Variants in RGSL1 observed in about 807,000 individuals in gnomAD.
The protein encoded by RGSL1 is regulator of G protein signaling like 1.
Under a neutral mutation model 124.7 loss-of-function variants are expected in RGSL1, and 97 were observed. That is an observed-to-expected ratio of 0.78 (90% CI 0.66 to 0.92). RGSL1 has a LOEUF of 0.92. Ranked by LOEUF, RGSL1 falls within the 40% of genes least tolerant of loss-of-function variation. RGSL1 has a pLI of 0.00. For missense variants in RGSL1, 1,233 were observed against 1,288.4 expected (o/e 0.96, Z 0.66); for synonymous variants, 424 against 438.1 (o/e 0.97, Z 0.40).
At chr1:182,532,593 C>T (rs1659251599) in intron 13 of RGSL1, 69 bp from the exon 14 acceptor site, 7 of 1,475,960 alleles carry the variant, frequency 4.7e-6, no homozygotes, top group Non-Finnish European at 6.4e-6. Flanking sequence ...CAAGTTTTGG[C>T]ACACAGTAGA....
intron 2 of RGSL1, 77 bp downstream of exon 2, chr1:182,454,117 T>C: frequency 1.2e-6 from 1 of 830,594 alleles, no homozygotes; most frequent in South Asian, 1.5e-5. Flanking sequence ...AGTGACTTTT[T>C]TTGTTTGTTT....
chr1:182,554,803 T>C, intron 20 of RGSL1, 110 bp downstream of exon 20: 2 of 1,064,394 alleles, frequency 1.9e-6, no homozygotes, highest in Non-Finnish European at 2.8e-6. Context: ...CTGCCTCTCC[T>C]TGGCATGCAG....
rs538710091 is a variant in RGSL1 at position 182,468,308 on chromosome 1, G to A, written c.302-4088G>A. On this transcript the variant is annotated intron_variant, in intron 4 of 21. Coordinates refer to ENST00000294854, the MANE Select transcript of RGSL1 (RefSeq NM_001137669.2). ...TTATAAATCATTCTACTATAAAGACGCATGCACACGTATGTTTATTTCAGC... is the reference window on the plus strand; with the variant it reads ...TTATAAATCATTCTACTATAAAGACACATGCACACGTATGTTTATTTCAGC... Among the ~76,000 whole-genome samples, 13 of 152,176 alleles carry A rather than the reference G, an allele frequency of 8.5e-5. No individual in the cohort carries two copies. The East Asian group carries it at 1.5e-3, about 18-fold the overall frequency.
intron 9 of RGSL1, among the ~76,000 whole-genome samples, chr1:182,497,390 A>AT (rs1045177663): frequency 2.0e-5 from 3 of 149,740 alleles, no homozygotes; most frequent in African/African-American, 7.3e-5. Flanking sequence ...GGAGATATAT[A>AT]TTTTTTTCAG....
At chr1:182,553,433 G>A (rs1256044950) in intron 18 of RGSL1, 22 bp from the exon 19 acceptor site, 1 of 1,546,604 alleles carries the variant, frequency 6.5e-7, no homozygotes, top group African/African-American at 1.4e-5. Context: ...TGTTTTTAAT[G>A]CTTGTTTTTG....
intron 5 of RGSL1, 131 bp from the exon 6 acceptor site, chr1:182,473,444 C>T: frequency 9.7e-7 from 1 of 1,026,806 alleles, no homozygotes; most frequent in Non-Finnish European, 1.4e-6. Context: ...ATTCATACTC[C>T]AGGATTATAT....
At chr1:182,522,158 G>A in intron 10 of RGSL1, 49 bp downstream of exon 10, 1 of 1,299,386 alleles carries the variant, frequency 7.7e-7, no homozygotes, top group Non-Finnish European at 1.1e-6. Flanking sequence ...ACATGCTTTT[G>A]AAAAACCTCA....
intron 4 of RGSL1, among the ~76,000 whole-genome samples, chr1:182,470,227 T>C (rs770592690): frequency 6.6e-6 from 1 of 152,126 alleles, no homozygotes; most frequent in Non-Finnish European, 1.5e-5. Context: ...ATCATATTAC[T>C]CCTTTTCTCA....
chr1:182,451,527 C>G (rs182528395), intron 1 of RGSL1, among the ~76,000 whole-genome samples: 54 of 118,112 alleles, frequency 4.6e-4, no homozygotes, highest in Admixed American at 1.7e-3. Flanking sequence ...GGAACAAAGA[C>G]ATGGAGGTTT....
chr1:182,488,896 T>A, intron 7 of RGSL1, 84 bp from the exon 8 acceptor site: 3 of 1,056,124 alleles, frequency 2.8e-6, no homozygotes, highest in Non-Finnish European at 4.2e-6. Context: ...CAGGGAGGCA[T>A]GGAGCACTGA....
intron 9 of RGSL1, among the ~76,000 whole-genome samples, chr1:182,516,102 C>A (rs1181415107): frequency 6.6e-6 from 1 of 152,186 alleles, no homozygotes; most frequent in Non-Finnish European, 1.5e-5. Flanking sequence ...GCCTTTGTTG[C>A]CCCAGGGCTT....
In RGSL1 at chr1:182,460,184, G is replaced by GTGTA. The variant is rs376572577; in HGVS notation, c.301+52_301+53insGTAT. The GTGTA allele has an allele frequency of 2.2e-3, 2,666 of 1,238,786 alleles. 60 individuals are homozygous for GTGTA. In the African/African-American group the frequency reaches 0.041, roughly 19 times the overall value. 76.7% of individuals were successfully genotyped at this position (1,238,786 alleles called of 1,614,324 possible). A position where few individuals can be genotyped will look rare whatever the true frequency, so the allele number is the denominator to read the frequency against. The stretch of plus-strand genomic sequence containing the variant: ...TCTGTGTGTGTGTGTGTGTGTGTGT[G>GTGTA]TAGAAATATAGGAAGTCACACTTCA... On this transcript the variant is annotated intron_variant, in intron 4 of 21. Transcript: ENST00000294854.
Position 182,512,785 on chromosome 1 carries a change from C to T in RGSL1, c.1826-9219C>T, listed in dbSNP as rs561842108. On this transcript the variant is annotated intron_variant, in intron 9 of 21. Transcript: ENST00000294854. ...GAGGTGGCTCTCAGCAGAATGGATG[C>T]GGAGCTGAAAAAGGGATGGAGTGGG... Among the ~76,000 whole-genome samples the T allele has an allele frequency of 4.6e-5, 7 of 152,224 alleles. No individual in the cohort carries two copies. In the East Asian group the frequency reaches 5.8e-4, roughly 13 times the overall value.
chr1:182,460,810 A>T (rs1010739720), intron 4 of RGSL1: 10 of 438,696 alleles, frequency 2.3e-5, no homozygotes, highest in Non-Finnish European at 4.6e-5. Context: ...TTGGGGGGAA[A>T]CTTTAGACAG....
intron 17 of RGSL1, 138 bp downstream of exon 17, chr1:182,548,962 C>T (rs1489666223): frequency 8.8e-6 from 9 of 1,025,158 alleles, no homozygotes; most frequent in Non-Finnish European, 1.1e-5. Context: ...TTTCAAAATC[C>T]TATTCACCTC....
chr1:182,516,286 A>T (rs484930), intron 9 of RGSL1, among the ~76,000 whole-genome samples: 1 of 152,140 alleles, frequency 6.6e-6, no homozygotes, highest in Non-Finnish European at 1.5e-5. Flanking sequence ...GCCCTTTGCC[A>T]GGGAACTGCC....
intron 14 of RGSL1, among the ~76,000 whole-genome samples, chr1:182,537,192 T>C (rs562629155): frequency 3.3e-5 from 5 of 152,208 alleles, no homozygotes; most frequent in Non-Finnish European, 7.4e-5. Context: ...ACACCACAAA[T>C]AGAAAATTTC....
chr1:182,554,307 A>C (rs1303652683), intron 19 of RGSL1, among the ~76,000 whole-genome samples: 1 of 152,214 alleles, frequency 6.6e-6, no homozygotes, highest in Non-Finnish European at 1.5e-5. Flanking sequence ...TAGGCTCCAA[A>C]CAGCCCTAAA....
chr1:182,511,967 T>C (rs1657496077), intron 9 of RGSL1, among the ~76,000 whole-genome samples: 1 of 152,182 alleles, frequency 6.6e-6, no homozygotes. Context: ...TTTGGTTAAA[T>C]TGATTCCTAT....
Sources: allele counts gnomAD v4.1 joint callset (sites outside exome capture counted in the v4.1 genomes callset), GRCh38; gene constraint gnomAD v4.1.1; transcripts MANE v1.5; gene names NCBI Gene and HGNC (gene_info 2026-07-23, HGNC 2026-07-21).